The following KCNQ1 variants were observed in gnomAD, a reference collection of about 807,000 sequenced individuals.
KCNQ1 encodes the protein potassium voltage-gated channel subfamily Q member 1.
Under a neutral mutation model 72.4 loss-of-function variants are expected in KCNQ1, and 49 were observed. The ratio of observed to expected loss-of-function variants is 0.68; its 90% CI spans 0.54 to 0.86. The LOEUF (loss-of-function observed/expected upper bound fraction) is 0.86, where lower values mean the gene tolerates loss of function less well. KCNQ1 is among the 40% of genes least tolerant of loss of function. KCNQ1 has a pLI of 0.00. For synonymous variants in KCNQ1, 450 were observed against 412.6 expected (o/e 1.09, Z -1.10); for missense variants, 790 against 945.1 (o/e 0.84, Z 2.15).
Position 2,541,136 on chromosome 11 carries a change from A to G in KCNQ1, c.477+13118A>G, listed in dbSNP as rs891755667. Among the ~76,000 whole-genome samples, 4 of 152,244 alleles carry G rather than the reference A, an allele frequency of 2.6e-5. No individual in the cohort carries two copies. The highest frequency in any genetic ancestry group is 9.6e-5 in the African/African-American group (4 of 41,472). Reference sequence around the variant, plus strand: ...ACCCAGCCCTGGACCTCAGGCAGGCAGGGAGAGAGACCCCCTTGGGGCCGC... The same window carrying G: ...ACCCAGCCCTGGACCTCAGGCAGGCGGGGAGAGAGACCCCCTTGGGGCCGC... On this transcript the variant is annotated intron_variant, in intron 2 of 15. Coordinates refer to ENST00000155840, the MANE Select transcript of KCNQ1 (RefSeq NM_000218.3). This position sits in a 1 kb window ranked among gnomAD's most constrained non-coding sequence, Gnocchi z 4.8.
Position 2,847,989 on chromosome 11 carries a change from G to A in KCNQ1, c.2017G>A (p.Asp673Asn), listed in dbSNP as rs866169644. ...EQLTVPRRGPDEGS is the reference protein window; with the variant it reads ...EQLTVPRRGPNEGS ...GCTGACCGTGCCCAGGAGGGGCCCC[G>A]ATGAGGGGTCCTGAGGAGGGGATGG... Residue 673 changes from aspartate (D) to asparagine (N), a missense_variant, in exon 16 of 16, where the codon GAT (aspartate) becomes AAT (asparagine). Transcript: ENST00000155840. 2.7e-5 allele frequency: 41 copies of A among 1,546,034 alleles called. No individual in the cohort carries two copies. Among genetic ancestry groups the A allele is most frequent in the African/African-American group, 2.7e-5 (2 of 73,376 alleles).
In KCNQ1 at chr11:2,704,810, C is replaced by G. The variant is rs973849476; in HGVS notation, c.1514+42729C>G. 2.6e-5 allele frequency among the ~76,000 whole-genome samples: 4 copies of G among 152,126 alleles called. No individual in the cohort carries two copies. Among genetic ancestry groups the G allele is most frequent in the African/African-American group, 9.7e-5 (4 of 41,422 alleles). ...AGGAGCTTAAGGTAGCCCTCAGCAT[C>G]CAACAGGGGTAGCAGCCTAGTGCAT... On this transcript the variant is annotated intron_variant, in intron 11 of 15. Coordinates refer to ENST00000155840, the MANE Select transcript of KCNQ1 (RefSeq NM_000218.3). The surrounding 1 kb of genome is among the most constrained non-coding windows in gnomAD (Gnocchi z 4.3).
chr11:2,772,801 T>C lies in KCNQ1; in HGVS notation c.1591-3159T>C, dbSNP rs1317979127. Among the ~76,000 whole-genome samples the C allele has an allele frequency of 6.6e-6, 1 of 152,192 alleles. No individual in the cohort carries two copies. On this transcript the variant is annotated intron_variant, in intron 12 of 15. Transcript: ENST00000155840. The surrounding 1 kb of genome is among the most constrained non-coding windows in gnomAD (Gnocchi z 6.6). The stretch of plus-strand genomic sequence containing the variant: ...GCTAACACACACACCTACACCCACC[T>C]GGTCACAGTGGCCCAGAGACTCCTA...
chr11:2,658,610 T>C lies in KCNQ1; in HGVS notation c.1394-3351T>C. ...CTCCCTGGAGAATGAATAGAAAACC[T>C]GGATCTAGGCACGGGGTATGCTCGT... On this transcript the variant is annotated intron_variant, in intron 10 of 15. Transcript: ENST00000155840. The surrounding 1 kb of genome is among the most constrained non-coding windows in gnomAD (Gnocchi z 4.9). The C allele has an allele frequency of 2.5e-6, 1 of 398,504 alleles. No homozygotes were observed. Among genetic ancestry groups the C allele is most frequent in the Non-Finnish European group, 4.4e-6 (1 of 226,042 alleles). The allele number at this position is 398,504 out of a possible 1,614,324, so 24.7% of individuals were successfully genotyped here.
intron 11 of KCNQ1, chr11:2,699,423 G>A (rs1850735174): frequency 5.0e-6 from 2 of 400,476 alleles, no homozygotes; most frequent in Non-Finnish European, 8.7e-6. Flanking sequence ...GGGCCGCGCT[G>A]AGGAGAGTCT....
At position 2,723,880 on chromosome 11, in the gene KCNQ1, G is replaced by A. The variant is rs1845714069; in HGVS notation, c.1515-44964G>A. 1.3e-5 allele frequency among the ~76,000 whole-genome samples: 2 copies of A among 152,202 alleles called. No homozygotes were observed. The highest frequency in any genetic ancestry group is 2.9e-5 in the Non-Finnish European group (2 of 68,034). On this transcript the variant is annotated intron_variant, in intron 11 of 15. Transcript: ENST00000155840. The surrounding 1 kb of genome is among the most constrained non-coding windows in gnomAD (Gnocchi z 4.2). ...AAGTCACGGATTCCAGGGGGACCTC[G>A]GGACGAGGAAGTCACACGTTGGGGG...
intron 1 of KCNQ1, among the ~76,000 whole-genome samples, chr11:2,466,486 T>C (rs1412995117): frequency 6.6e-5 from 10 of 151,956 alleles, no homozygotes; most frequent in Admixed American, 6.5e-4. Flanking sequence ...CCCCTGTTGC[T>C]GGCTGTGGCA....
In KCNQ1 at chr11:2,677,556, G is replaced by A; in HGVS notation, c.1514+15475G>A. ...CCAAGTATAAAAGATGCCCTCAGAT[G>A]TTACCATATAATGCTTTACAAAAGA... On this transcript the variant is annotated intron_variant, in intron 11 of 15. Transcript: ENST00000155840. This position sits in a 1 kb window ranked among gnomAD's most constrained non-coding sequence, Gnocchi z 4.5. The A allele has an allele frequency of 2.5e-6, 1 of 398,490 alleles. No homozygotes were observed. The highest frequency in any genetic ancestry group is 4.4e-6 in the Non-Finnish European group (1 of 226,044). 24.7% of individuals were successfully genotyped at this position (398,490 alleles called of 1,614,324 possible). A position where few individuals can be genotyped will look rare whatever the true frequency, so the allele number is the denominator to read the frequency against.
chr11:2,445,514 C>A (rs779099111), intron 1 of KCNQ1, 30 bp downstream of exon 1: 1 of 1,584,572 alleles, frequency 6.3e-7, no homozygotes, highest in Non-Finnish European at 8.5e-7. Context: ...ACGGCCGGCA[C>A]GAAGGTGCTT....
chr11:2,763,801 A>G (rs978990567), intron 11 of KCNQ1, among the ~76,000 whole-genome samples: 2 of 152,004 alleles, frequency 1.3e-5, no homozygotes, highest in African/African-American at 2.4e-5. Flanking sequence ...GGCTCAAGTG[A>G]TCCTCCCACC....
rs922322945 is a variant in KCNQ1, at chr11:2,725,685, T to G, written c.1515-43159T>G. 6.6e-6 allele frequency among the ~76,000 whole-genome samples: 1 copy of G among 152,048 alleles called. No homozygotes were observed. The highest frequency in any genetic ancestry group is 2.4e-5 in the African/African-American group (1 of 41,396). On this transcript the variant is annotated intron_variant, in intron 11 of 15. Coordinates refer to ENST00000155840, the MANE Select transcript of KCNQ1 (RefSeq NM_000218.3). This position sits in a 1 kb window ranked among gnomAD's most constrained non-coding sequence, Gnocchi z 7.2. ...GCCAAAGCCCCAGGCCCACAGGCTG[T>G]GCACTCCAGCCGAGGGCAGCCTGGG... is the stretch of plus-strand genomic sequence containing the variant.
rs1848761072 is a variant in KCNQ1, at chr11:2,598,511, A to G, written c.1393+9657A>G. 6.6e-6 allele frequency among the ~76,000 whole-genome samples: 1 copy of G among 151,978 alleles called. No individual in the cohort carries two copies. The highest frequency in any genetic ancestry group is 2.1e-4 in the South Asian group (1 of 4,820). ...TATCTTCTGTATTTGTATAACACAA[A>G]GTTTTATTTGTATACATGGACAGAC... On this transcript the variant is annotated intron_variant, in intron 10 of 15. Coordinates refer to ENST00000155840, the MANE Select transcript of KCNQ1 (RefSeq NM_000218.3). This position sits in a 1 kb window ranked among gnomAD's most constrained non-coding sequence, Gnocchi z 6.2.
chr11:2,838,998 C>T (rs551401418), intron 15 of KCNQ1, among the ~76,000 whole-genome samples: 20 of 141,406 alleles, frequency 1.4e-4, no homozygotes, highest in African/African-American at 4.9e-4. Flanking sequence ...GAGCCCTGCC[C>T]GGGGTTGCAC....
chr11:2,791,792 G>GCCGCT (rs1847029849), intron 15 of KCNQ1, among the ~76,000 whole-genome samples: 2 of 152,122 alleles, frequency 1.3e-5, no homozygotes, highest in South Asian at 4.1e-4. Context: ...TCCTCGCCGC[G>GCCGCT]CCGCTCCGGG....
intron 10 of KCNQ1, among the ~76,000 whole-genome samples, chr11:2,597,492 G>A (rs890173457): frequency 5.3e-5 from 8 of 152,156 alleles, no homozygotes; most frequent in Non-Finnish European, 1.2e-4. Context: ...AAACTGTGAA[G>A]CTTCACTCTC....
At position 2,613,143 on chromosome 11, in the gene KCNQ1, G is replaced by A. The variant is rs1362119285; in HGVS notation, c.1393+24289G>A. 1 of 398,408 alleles carries A rather than the reference G, an allele frequency of 2.5e-6. No homozygotes were observed. Among genetic ancestry groups the A allele is most frequent in the African/African-American group, 2.1e-5 (1 of 48,580 alleles). 24.7% of individuals were successfully genotyped at this position (398,408 alleles called of 1,614,324 possible). A position where few individuals can be genotyped will look rare whatever the true frequency, so the allele number is the denominator to read the frequency against. ...GTGAATCTTCCACCCTCTGCTGAGG[G>A]GATCTATGTGTGGGTTGGGACATTC... is the stretch of plus-strand genomic sequence containing the variant. On this transcript the variant is annotated intron_variant, in intron 10 of 15. Transcript: ENST00000155840. The surrounding 1 kb of genome is among the most constrained non-coding windows in gnomAD (Gnocchi z 4.8).
Position 2,766,335 on chromosome 11 carries a change from G to A in KCNQ1, c.1515-2509G>A, listed in dbSNP as rs914776034. Among the ~76,000 whole-genome samples the A allele has an allele frequency of 6.6e-6, 1 of 152,216 alleles. No individual in the cohort carries two copies. Among genetic ancestry groups the A allele is most frequent in the Non-Finnish European group, 1.5e-5 (1 of 68,040 alleles). On this transcript the variant is annotated intron_variant, in intron 11 of 15. Transcript: ENST00000155840. This position sits in a 1 kb window ranked among gnomAD's most constrained non-coding sequence, Gnocchi z 4.4. ...GGCAGTACTTGCATGGTGATGTGGTGGTGGCTGAGTGGTCTCTGTTGTCCT... is the reference window on the plus strand; with the variant it reads ...GGCAGTACTTGCATGGTGATGTGGTAGTGGCTGAGTGGTCTCTGTTGTCCT...
rs1846680741 is a variant in KCNQ1, at chr11:2,483,160, G to A, written c.386+37676G>A. 6.6e-6 allele frequency among the ~76,000 whole-genome samples: 1 copy of A among 152,178 alleles called. No individual in the cohort carries two copies. Among genetic ancestry groups the A allele is most frequent in the African/African-American group, 2.4e-5 (1 of 41,434 alleles). ...CATGCAAAGGTCCTGTGTTGGGAAC[G>A]TGCTTGGTGCATGTGAAGAACTGTG... On this transcript the variant is annotated intron_variant, in intron 1 of 15. Coordinates refer to ENST00000155840, the MANE Select transcript of KCNQ1 (RefSeq NM_000218.3). The surrounding 1 kb of genome is among the most constrained non-coding windows in gnomAD (Gnocchi z 6.1).
chr11:2,550,257 G>C lies in KCNQ1; in HGVS notation c.478-20371G>C, dbSNP rs1339241642. Among the ~76,000 whole-genome samples, 1 of 152,200 alleles carries C rather than the reference G, an allele frequency of 6.6e-6. No homozygotes were observed. The highest frequency in any genetic ancestry group is 1.5e-5 in the Non-Finnish European group (1 of 68,028). ...GGAGTTTGAACTTTTCTGATCACGG[G>C]GTGAGAGGGTCTTTGCAGTTGCAGA... On this transcript the variant is annotated intron_variant, in intron 2 of 15. Coordinates refer to ENST00000155840, the MANE Select transcript of KCNQ1 (RefSeq NM_000218.3). This position sits in a 1 kb window ranked among gnomAD's most constrained non-coding sequence, Gnocchi z 6.0.
Sources: gnomAD v4.1 joint callset for allele counts (sites outside exome capture counted in the v4.1 genomes callset) on GRCh38, gnomAD v4.1.1 for gene constraint, Gnocchi (gnomAD v3.1) non-coding constraint, MANE v1.5 for transcripts, NCBI Gene and HGNC (gene_info 2026-07-23, HGNC 2026-07-21) for gene names.